The following PLEKHA5 variants were observed in gnomAD, a reference collection of about 807,000 sequenced individuals.
PLEKHA5 encodes the protein pleckstrin homology domain-containing family A member 5.
Under a neutral mutation model 181.9 loss-of-function variants are expected in PLEKHA5, and 55 were observed. The ratio of observed to expected loss-of-function variants is 0.30; its 90% CI spans 0.24 to 0.38. The LOEUF (loss-of-function observed/expected upper bound fraction) is 0.38. PLEKHA5 is among the 10% of genes least tolerant of loss of function. The pLI is 1.00. For missense variants in PLEKHA5, 1,432 were observed against 1,549.5 expected (o/e 0.92, Z 1.27); for synonymous variants, 535 against 529.4 (o/e 1.01, Z -0.15).
At chr12:19,290,340 CTT>C (rs928056706) in intron 13 of PLEKHA5, among the ~76,000 whole-genome samples, 16 of 152,046 alleles carry the variant, frequency 1.1e-4, no homozygotes, top group African/African-American at 3.6e-4. Context: ...AGTAAAATAT[CTT>C]TTAATAATTT....
At chr12:19,242,211 C>T in intron 3 of PLEKHA5, among the ~76,000 whole-genome samples, 1 of 150,228 alleles carries the variant, frequency 6.7e-6, no homozygotes, top group South Asian at 2.1e-4. Flanking sequence ...AAAAGGTGTT[C>T]ATTTTGTAAA....
chr12:19,250,182 A>G (rs1314049919), intron 3 of PLEKHA5, among the ~76,000 whole-genome samples: 1 of 152,188 alleles, frequency 6.6e-6, no homozygotes, highest in African/African-American at 2.4e-5. Flanking sequence ...AGAGTAGGTA[A>G]ACACTGGCAT....
Position 19,168,495 on chromosome 12 carries a change from T to TA in PLEKHA5, c.227+36055dup, listed in dbSNP as rs1245948018. Among the ~76,000 whole-genome samples, 579 of 96,220 alleles carry TA rather than the reference T, an allele frequency of 6.0e-3. 7 individuals carry two copies. Among genetic ancestry groups the TA allele is most frequent in the African/African-American group, 0.013 (467 of 36,742 alleles). The allele number at this position is 96,220 out of a possible 152,430, so 63.1% of individuals were successfully genotyped here. ...TTGAAGGCAGTTTATTGCAGTGATT[T>TA]AAAAAAAAAACAAAAAACAAAAAAA... is the stretch of plus-strand genomic sequence containing the variant. On this transcript the variant is annotated intron_variant, in intron 3 of 31. Transcript: ENST00000429027.
chr12:19,303,997 G>T (rs1015232885), intron 15 of PLEKHA5, among the ~76,000 whole-genome samples: 2 of 151,572 alleles, frequency 1.3e-5, no homozygotes, highest in African/African-American at 2.4e-5. Flanking sequence ...TTGTAGAGGG[G>T]GGGGTTTCAC....
intron 20 of PLEKHA5, among the ~76,000 whole-genome samples, chr12:19,323,427 CG>C (rs888483063): frequency 6.6e-6 from 1 of 151,906 alleles, no homozygotes; most frequent in Admixed American, 6.6e-5. Context: ...CATCTGAGCC[CG>C]GGAGGCAGAG....
At chr12:19,304,369 C>A (rs143845298) in intron 15 of PLEKHA5, among the ~76,000 whole-genome samples, 223 of 152,290 alleles carry the variant, frequency 1.5e-3, no homozygotes, top group African/African-American at 5.1e-3. Context: ...TGCGCCATTG[C>A]ACATCAGCTT....
At chr12:19,212,835 G>GTTTTTTTTTTT (rs11290352) in intron 3 of PLEKHA5, among the ~76,000 whole-genome samples, 1 of 138,144 alleles carries the variant, frequency 7.2e-6, no homozygotes, top group African/African-American at 2.7e-5. Context: ...TTTTTTTGTT[G>GTTTTTTTTTTT]TTTTTTTTTT....
chr12:19,324,455 A>C (rs2091634790), intron 20 of PLEKHA5, among the ~76,000 whole-genome samples: 1 of 152,186 alleles, frequency 6.6e-6, no homozygotes, highest in Non-Finnish European at 1.5e-5. Flanking sequence ...ACATTGGATG[A>C]ATGATTGAGC....
chr12:19,356,095 G>C (rs1304984010), intron 26 of PLEKHA5, among the ~76,000 whole-genome samples: 1 of 151,776 alleles, frequency 6.6e-6, no homozygotes, highest in African/African-American at 2.4e-5. Context: ...AACCCAGGAG[G>C]CGGAGGTCGC....
chr12:19,205,962 T>C (rs1316902326), intron 3 of PLEKHA5, among the ~76,000 whole-genome samples: 1 of 152,122 alleles, frequency 6.6e-6, no homozygotes. Flanking sequence ...GAAAGTTTGC[T>C]GTGTAATACA....
intron 3 of PLEKHA5, among the ~76,000 whole-genome samples, chr12:19,142,872 T>C (rs896408542): frequency 1.3e-5 from 2 of 152,332 alleles, no homozygotes; most frequent in South Asian, 4.1e-4. Flanking sequence ...AGCTTCCACA[T>C]TTAAGATCAT....
intron 3 of PLEKHA5, among the ~76,000 whole-genome samples, chr12:19,208,006 A>G (rs1156904930): frequency 1.3e-5 from 2 of 152,194 alleles, no homozygotes; most frequent in African/African-American, 4.8e-5. Flanking sequence ...AACCAAGTAA[A>G]GACTTTGATA....
At chr12:19,364,367 C>G (rs944587692) in intron 29 of PLEKHA5, among the ~76,000 whole-genome samples, 1 of 151,752 alleles carries the variant, frequency 6.6e-6, no homozygotes, top group Non-Finnish European at 1.5e-5. Context: ...AAAAATTATC[C>G]GGGCATAGTG....
chr12:19,324,530 C>T (rs772950658), intron 20 of PLEKHA5, among the ~76,000 whole-genome samples: 1 of 152,042 alleles, frequency 6.6e-6, no homozygotes, highest in Non-Finnish European at 1.5e-5. Context: ...TCCAGATCTT[C>T]TTACCACATT....
chr12:19,271,773 A>G (rs1266376646), intron 10 of PLEKHA5, among the ~76,000 whole-genome samples: 1 of 152,176 alleles, frequency 6.6e-6, no homozygotes, highest in Non-Finnish European at 1.5e-5. Flanking sequence ...TTCACTAGTT[A>G]GGTGCTTATA....
intron 15 of PLEKHA5, among the ~76,000 whole-genome samples, chr12:19,298,023 G>A (rs911470592): frequency 6.6e-6 from 1 of 152,066 alleles, no homozygotes; most frequent in Non-Finnish European, 1.5e-5. Context: ...TGGCCAACAT[G>A]GTGAACCCCA....
In PLEKHA5 at chr12:19,290,766, G is replaced by A; in HGVS notation, c.1953G>A (p.Met651Ile). 1 of 1,535,524 alleles carries A rather than the reference G, an allele frequency of 6.5e-7. No individual in the cohort carries two copies. The highest frequency in any genetic ancestry group is 8.7e-7 in the Non-Finnish European group (1 of 1,146,134). Residue 651 changes from methionine to isoleucine, a missense_variant, in exon 14 of 32, where the codon ATG (methionine) becomes ATA (isoleucine). Coordinates refer to ENST00000429027, the MANE Select transcript of PLEKHA5 (RefSeq NM_001256470.2). ...SIREHTLAQL[M>I]QLKLEAHSPK... is the part of the protein sequence containing the mutation. ...GGGAGCATACGTTAGCACAGCTCAT[G>A]CAGCTAAAGCTTGAGGCCCACAGCC...
At chr12:19,284,448 G>T (rs1272663834) in intron 12 of PLEKHA5, among the ~76,000 whole-genome samples, 1 of 152,044 alleles carries the variant, frequency 6.6e-6, no homozygotes, top group Non-Finnish European at 1.5e-5. Context: ...CTGAAATTTT[G>T]TATCAAGCTC....
rs1232049562 is a variant in PLEKHA5, at chr12:19,257,451, A to C, written c.451A>C (p.Lys151Gln). The C allele has an allele frequency of 1.4e-5, 22 of 1,593,910 alleles. No individual in the cohort carries two copies. The highest frequency in any genetic ancestry group is 1.9e-5 in the Non-Finnish European group (22 of 1,163,998). Reference protein sequence around the residue: ...PVGRTSRASKKVHNFGKRSNS... With the variant: ...PVGRTSRASKQVHNFGKRSNS... ...TATTTAGACTTCACGAGCTTCAAAA[A>C]AAGTTCATAATTTTGGAAAGAGGTC... is the stretch of plus-strand genomic sequence containing the variant. Residue 151 changes from lysine (K) to glutamine (Q), a missense_variant, in exon 6 of 32, where the codon AAA becomes CAA. This residue lies in a region of PLEKHA5 where 289 missense variants were observed against 381.1 expected (regional missense o/e 0.76). Coordinates refer to ENST00000429027, the MANE Select transcript of PLEKHA5 (RefSeq NM_001256470.2).
Sources: gnomAD v4.1 joint callset for allele counts (sites outside exome capture counted in the v4.1 genomes callset) on GRCh38, gnomAD v4.1.1 for gene constraint, gnomAD v4.1.1 regional missense constraint, MANE v1.5 for transcripts, NCBI Gene and HGNC (gene_info 2026-07-23, HGNC 2026-07-21) for gene names.